The following ADGRA3 variants were observed in gnomAD, a reference collection of about 807,000 sequenced individuals.
ADGRA3 encodes the protein adhesion G protein-coupled receptor A3, also known as G-protein coupled receptor 125.
Under a neutral mutation model 119.8 loss-of-function variants are expected in ADGRA3, and 56 were observed. The observed-to-expected ratio is 0.47, with a 90% CI of 0.38 to 0.58. The LOEUF is 0.58. ADGRA3 is among the 20% of genes least tolerant of loss of function. The probability of loss-of-function intolerance (pLI) is 0.00; values close to 1 mark genes in which losing one functional copy is unlikely to be tolerated. For missense variants in ADGRA3, 1,516 were observed against 1,649.0 expected (o/e 0.92, Z 1.40); for synonymous variants, 607 against 623.8 (o/e 0.97, Z 0.40).
intron 1 of ADGRA3, among the ~76,000 whole-genome samples, chr4:22,474,698 C>T (rs1287816383): frequency 1.3e-5 from 2 of 152,184 alleles, no homozygotes; most frequent in Admixed American, 6.5e-5. Flanking sequence ...CAAGATTACA[C>T]TAGCCAATGG....
Position 22,473,759 on chromosome 4 carries a change from A to G in ADGRA3, c.329+13T>C. On this transcript the variant is annotated intron_variant, in intron 2 of 18. Coordinates refer to ENST00000334304, the MANE Select transcript of ADGRA3 (RefSeq NM_145290.4). ...ACAAAATAATAATGAGATGATAATT[A>G]AAGAATACTCACAATCTTTCAAGGA... 3 of 1,501,334 alleles carry G rather than the reference A, an allele frequency of 2.0e-6. No homozygotes were observed. The highest frequency in any genetic ancestry group is 2.8e-6 in the Non-Finnish European group (3 of 1,089,710). 93.0% of individuals were successfully genotyped at this position (1,501,334 alleles called of 1,614,324 possible).
At chr4:22,493,624 T>C (rs190678840) in intron 1 of ADGRA3, among the ~76,000 whole-genome samples, 1 of 152,284 alleles carries the variant, frequency 6.6e-6, no homozygotes, top group East Asian at 1.9e-4. Context: ...ACTAGGACTT[T>C]TTACCGAAGG....
At chr4:22,393,262 G>A (rs1180783761) in intron 16 of ADGRA3, 1 of 152,148 alleles carries the variant, frequency 6.6e-6, no homozygotes, top group Non-Finnish European at 1.5e-5. Flanking sequence ...CCTGACCTCA[G>A]GTGATCCATC....
intron 1 of ADGRA3, among the ~76,000 whole-genome samples, chr4:22,474,566 C>T (rs1717969898): frequency 6.6e-6 from 1 of 152,084 alleles, no homozygotes; most frequent in Non-Finnish European, 1.5e-5. Context: ...CTTTTGGAGC[C>T]TGAATATCAA....
chr4:22,492,639 T>C (rs1718670082), intron 1 of ADGRA3, among the ~76,000 whole-genome samples: 1 of 152,170 alleles, frequency 6.6e-6, no homozygotes, highest in African/African-American at 2.4e-5. Flanking sequence ...AGACATAACA[T>C]AAGAAACAGT....
At chr4:22,488,531 G>C (rs901643207) in intron 1 of ADGRA3, among the ~76,000 whole-genome samples, 1 of 152,182 alleles carries the variant, frequency 6.6e-6, no homozygotes. Context: ...GCTAACAAGA[G>C]CTGTAAGGGG....
At chr4:22,475,588 G>C (rs61793360) in intron 1 of ADGRA3, among the ~76,000 whole-genome samples, 20,057 of 152,120 alleles carry the variant, frequency 0.13, 1,442 homozygotes, top group Middle Eastern at 0.22. Context: ...TTAGCCGGGC[G>C]TAGTGGTGGG....
At chr4:22,439,869 A>T (rs1716541314) in intron 7 of ADGRA3, among the ~76,000 whole-genome samples, 1 of 152,176 alleles carries the variant, frequency 6.6e-6, no homozygotes, top group Non-Finnish European at 1.5e-5. Flanking sequence ...CCAGCTCAAA[A>T]AAATACCGAT....
At chr4:22,458,913 G>A (rs958224695) in intron 3 of ADGRA3, among the ~76,000 whole-genome samples, 16 of 152,106 alleles carry the variant, frequency 1.1e-4, no homozygotes, top group African/African-American at 2.4e-4. Context: ...TCTAATGAGC[G>A]CAGACAGACT....
chr4:22,419,395 G>A (rs922485901), intron 12 of ADGRA3, among the ~76,000 whole-genome samples: 1 of 152,100 alleles, frequency 6.6e-6, no homozygotes, highest in East Asian at 1.9e-4. Flanking sequence ...CTGTCACGAG[G>A]GATATGTTCC....
chr4:22,477,702 T>C (rs1186651194), intron 1 of ADGRA3: 1 of 152,226 alleles, frequency 6.6e-6, no homozygotes, highest in Admixed American at 6.5e-5. Flanking sequence ...TGATAGATTT[T>C]ATTGAGGAAA....
chr4:22,493,009 A>G (rs574797156), intron 1 of ADGRA3, among the ~76,000 whole-genome samples: 2 of 152,286 alleles, frequency 1.3e-5, no homozygotes, highest in African/African-American at 4.8e-5. Context: ...TCTGTCACCC[A>G]GGTGGAGTGC....
intron 3 of ADGRA3, chr4:22,455,813 G>A (rs996550113): frequency 7.8e-7 from 1 of 1,287,920 alleles, no homozygotes; most frequent in African/African-American, 1.5e-5. Flanking sequence ...ACTTACACCT[G>A]GCATGGCATG....
At chr4:22,447,140 T>G (rs1435589041) in intron 5 of ADGRA3, among the ~76,000 whole-genome samples, 1 of 152,066 alleles carries the variant, frequency 6.6e-6, no homozygotes, top group Non-Finnish European at 1.5e-5. Flanking sequence ...ATTTAATTAG[T>G]CAAACAAGGC....
rs1479232242 is a variant in ADGRA3 at position 22,421,065 on chromosome 4, C to T, written c.1630G>A (p.Ala544Thr). 2.5e-6 allele frequency: 4 copies of T among 1,613,766 alleles called. No homozygotes were observed. In the African/African-American group the frequency reaches 4.0e-5, roughly 16 times the overall value. Residue 544 changes from alanine (A) to threonine (T), a missense_variant, in exon 12 of 19, where the codon GCT becomes ACT. This residue lies in a region of ADGRA3 where 1,088 missense variants were observed against 1,107.1 expected (regional missense o/e 0.98). Transcript: ENST00000334304. ...AAGCCAGTAGACTTGATGACATAAG[C>T]TTCCAGAGCAATATTGGGTGAATAC... is the stretch of plus-strand genomic sequence containing the variant. The part of the protein sequence containing the change: ...STYSPNIALE[A>T]YVIKSTGFTG...
At chr4:22,440,659 T>A (rs1044114247) in intron 7 of ADGRA3, among the ~76,000 whole-genome samples, 1 of 152,192 alleles carries the variant, frequency 6.6e-6, no homozygotes, top group Non-Finnish European at 1.5e-5. Context: ...ATACAGTAAA[T>A]CTACTTATTT....
intron 16 of ADGRA3, chr4:22,393,146 C>A (rs990339053): frequency 6.5e-6 from 1 of 152,860 alleles, no homozygotes; most frequent in Admixed American, 6.6e-5. Context: ...CCTGCCTCAG[C>A]CTCCTGAGTA....
chr4:22,391,948 C>T (rs1009486718), intron 17 of ADGRA3, among the ~76,000 whole-genome samples: 9 of 152,116 alleles, frequency 5.9e-5, no homozygotes, highest in Non-Finnish European at 1.0e-4. Flanking sequence ...TCTCACACAG[C>T]GCAGTCAGTG....
chr4:22,496,517 A>G (rs992411786), intron 1 of ADGRA3, among the ~76,000 whole-genome samples: 1 of 152,232 alleles, frequency 6.6e-6, no homozygotes, highest in Non-Finnish European at 1.5e-5. Context: ...CCTAGCAACC[A>G]GCATTTTTCC....
Sources: allele counts gnomAD v4.1 joint callset (sites outside exome capture counted in the v4.1 genomes callset), GRCh38; gene constraint gnomAD v4.1.1; regional missense constraint gnomAD v4.1.1; transcripts MANE v1.5; gene names NCBI Gene and HGNC (gene_info 2026-07-23, HGNC 2026-07-21).